KIF26B: variants seen among roughly 807,000 people sequenced by gnomAD.
The protein encoded by KIF26B is kinesin family member 26B, also known as kinesin-like protein KIF26B.
In KIF26B, 63 loss-of-function variants were observed where a neutral mutation model predicts 151.2. The ratio of observed to expected loss-of-function variants is 0.42; its 90% CI spans 0.34 to 0.51. KIF26B has a LOEUF of 0.51. Among genes scored for constraint, KIF26B ranks in the 20% least tolerant of loss-of-function variants. KIF26B has a pLI of 0.07. For missense variants in KIF26B, 2,813 were observed against 2,913.6 expected (o/e 0.97, Z 0.79); for synonymous variants, 1,357 against 1,262.1 (o/e 1.08, Z -1.59).
Position 245,554,451 on chromosome 1 carries a change from G to A in KIF26B, c.1350+13501G>A, listed in dbSNP as rs138688722. On this transcript the variant is annotated intron_variant, in intron 5 of 14. Transcript: ENST00000407071. ...GATTCATTCAGAAGACAGGTATTAC[G>A]TATCTTCTATGTGCTAGTTACTTTG... Among the ~76,000 whole-genome samples, 11 of 152,286 alleles carry A rather than the reference G, an allele frequency of 7.2e-5. No homozygotes were observed. In the East Asian group the frequency reaches 1.9e-3, roughly 27 times the overall value.
Position 245,684,350 on chromosome 1 carries a change from C to G in KIF26B, c.2376C>G (p.Ile792Met), listed in dbSNP as rs1237941377. Residue 792 changes from isoleucine (I) to methionine (M), a missense_variant, in exon 11 of 15, where the codon ATC (isoleucine) becomes ATG (methionine). This residue lies in a region of KIF26B where 2,060 missense variants were observed against 2,088.6 expected (regional missense o/e 0.99). Transcript: ENST00000407071. ...VGSYAETLST[I>M]QIASRVLRMK... ...GCTACGCGGAGACCCTGTCCACCAT[C>G]CAGATTGCATCGAGAGTCTTGAGGA... 6.2e-7 allele frequency: 1 copy of G among 1,613,824 alleles called. No homozygotes were observed. Among genetic ancestry groups the G allele is most frequent in the Non-Finnish European group, 8.5e-7 (1 of 1,179,820 alleles).
chr1:245,265,201 CAAAAAAAAAAA>C (rs59716075), intron 2 of KIF26B, among the ~76,000 whole-genome samples: 1 of 47,426 alleles, frequency 2.1e-5, no homozygotes. Context: ...GACTCCATCT[CAAAAAAAAAAA>C]AAAAAAAAAA....
chr1:245,668,683 T>C (rs1328808956), intron 10 of KIF26B, among the ~76,000 whole-genome samples: 1 of 148,250 alleles, frequency 6.7e-6, no homozygotes, highest in Admixed American at 6.7e-5. Flanking sequence ...TCATGTTTCT[T>C]TTCTTTTCTT....
intron 2 of KIF26B, among the ~76,000 whole-genome samples, chr1:245,337,335 C>G (rs1672254550): frequency 6.6e-6 from 1 of 151,758 alleles, no homozygotes. Context: ...CCATACCTGG[C>G]TAATTTTTGT....
At chr1:245,383,918 A>G (rs1673476287) in intron 3 of KIF26B, among the ~76,000 whole-genome samples, 1 of 152,174 alleles carries the variant, frequency 6.6e-6, no homozygotes, top group Non-Finnish European at 1.5e-5. Context: ...CTGGGTTGCT[A>G]AAACTTGCGG....
chr1:245,296,007 G>A (rs1470485869), intron 2 of KIF26B, among the ~76,000 whole-genome samples: 1 of 152,142 alleles, frequency 6.6e-6, no homozygotes, highest in African/African-American at 2.4e-5. Flanking sequence ...TGTACCTCCT[G>A]CATCTAGCGT....
At chr1:245,655,005 C>T (rs1336348657) in intron 10 of KIF26B, among the ~76,000 whole-genome samples, 1 of 152,206 alleles carries the variant, frequency 6.6e-6, no homozygotes, top group East Asian at 1.9e-4. Context: ...TGATCAGCCT[C>T]TCAGCTGGAA....
In KIF26B at chr1:245,543,529, G is replaced by C. The variant is rs188754883; in HGVS notation, c.1350+2579G>C. 2.7e-3 allele frequency among the ~76,000 whole-genome samples: 415 copies of C among 152,302 alleles called. 3 individuals carry two copies. Among genetic ancestry groups the C allele is most frequent in the Admixed American group, 6.1e-3 (93 of 15,296 alleles). On this transcript the variant is annotated intron_variant, in intron 5 of 14. Coordinates refer to ENST00000407071, the MANE Select transcript of KIF26B (RefSeq NM_018012.4). ...GTCACAGAACATCATAAGAGAAGGT[G>C]TGGCTTCCATCTGCCCAGTGGCCAC... is the stretch of plus-strand genomic sequence containing the variant.
At chr1:245,356,900 G>A (rs775710454) in intron 2 of KIF26B, among the ~76,000 whole-genome samples, 5 of 152,308 alleles carry the variant, frequency 3.3e-5, no homozygotes, top group East Asian at 3.9e-4. Context: ...GGAAGGCCTC[G>A]TTGAAAAGGT....
At chr1:245,582,613 C>T (rs1350176304) in intron 5 of KIF26B, among the ~76,000 whole-genome samples, 1 of 152,124 alleles carries the variant, frequency 6.6e-6, no homozygotes, top group African/African-American at 2.4e-5. Context: ...ATGCAATAGG[C>T]TGGGCTTGAT....
chr1:245,359,691 CCCTTCCCT>C lies in KIF26B; in HGVS notation c.466-7132_466-7125del, dbSNP rs563219186. On this transcript the variant is annotated intron_variant, in intron 2 of 14. Transcript: ENST00000407071. ...CCCTCCTTTCCTTACTTCCCTCCCT[CCCTTCCCT>C]CCTTCCCTCCCTTCCTTCCTTCCTT... Among the ~76,000 whole-genome samples, 423 of 149,734 alleles carry C rather than the reference CCCTTCCCT, an allele frequency of 2.8e-3. 1 individual carries two copies. Among genetic ancestry groups the C allele is most frequent in the African/African-American group, 9.6e-3 (388 of 40,560 alleles).
At chr1:245,189,846 G>A (rs1440998032) in intron 2 of KIF26B, among the ~76,000 whole-genome samples, 2 of 152,188 alleles carry the variant, frequency 1.3e-5, no homozygotes, top group Non-Finnish European at 2.9e-5. Flanking sequence ...CCATGTGGCT[G>A]GGGAGGCCTC....
chr1:245,395,165 G>A (rs1440953924), intron 3 of KIF26B, among the ~76,000 whole-genome samples: 2 of 152,194 alleles, frequency 1.3e-5, no homozygotes, highest in Admixed American at 6.5e-5. Flanking sequence ...CAATCATAAT[G>A]TAATACTAGG....
At chr1:245,304,698 C>CAT (rs879450623) in intron 2 of KIF26B, among the ~76,000 whole-genome samples, 8,090 of 150,674 alleles carry the variant, frequency 0.054, 276 homozygotes, top group Middle Eastern at 0.096. Context: ...TACGTCCATC[C>CAT]CTCCATCCAT....
intron 4 of KIF26B, among the ~76,000 whole-genome samples, chr1:245,519,143 G>A (rs2103088744): frequency 6.6e-6 from 1 of 152,248 alleles, no homozygotes; most frequent in South Asian, 2.1e-4. Flanking sequence ...CTAGTGAAAT[G>A]GATGACTGTG....
At chr1:245,240,038 C>T (rs370914850) in intron 2 of KIF26B, among the ~76,000 whole-genome samples, 2 of 151,964 alleles carry the variant, frequency 1.3e-5, no homozygotes, top group African/African-American at 2.4e-5. Flanking sequence ...AGTGTCATGG[C>T]GCACACCTGT....
intron 2 of KIF26B, among the ~76,000 whole-genome samples, chr1:245,242,683 GCT>G (rs1670229776): frequency 6.6e-6 from 1 of 151,840 alleles, no homozygotes; most frequent in Non-Finnish European, 1.5e-5. Flanking sequence ...ATGGAATCTT[GCT>G]CTGTCGCCCA....
intron 4 of KIF26B, among the ~76,000 whole-genome samples, chr1:245,458,121 T>C (rs1022066748): frequency 6.6e-6 from 1 of 152,226 alleles, no homozygotes; most frequent in East Asian, 1.9e-4. Context: ...TCCTCAACTA[T>C]TCATTTGACA....
In KIF26B at chr1:245,601,875, G is replaced by A. The variant is rs1415176161; in HGVS notation, c.1351-702G>A. 6.6e-6 allele frequency among the ~76,000 whole-genome samples: 1 copy of A among 152,142 alleles called. No individual in the cohort carries two copies. The highest frequency in any genetic ancestry group is 1.9e-4 in the East Asian group (1 of 5,198). On this transcript the variant is annotated intron_variant, in intron 5 of 14. Transcript: ENST00000407071. The surrounding 1 kb of genome is among the most constrained non-coding windows in gnomAD (Gnocchi z 4.4). ...CCTGCAGGACGGGGCTGGGTTGGTGGTGGGTACCAGAGGTGCTCAGTGTTC... is the reference window on the plus strand; with the variant it reads ...CCTGCAGGACGGGGCTGGGTTGGTGATGGGTACCAGAGGTGCTCAGTGTTC...
Sources: allele counts gnomAD v4.1 joint callset (sites outside exome capture counted in the v4.1 genomes callset), GRCh38; gene constraint gnomAD v4.1.1; regional missense constraint gnomAD v4.1.1; non-coding constraint Gnocchi (gnomAD v3.1); transcripts MANE v1.5; gene names NCBI Gene and HGNC (gene_info 2026-07-23, HGNC 2026-07-21).